The following PDE6A variants were observed in gnomAD, a reference collection of about 807,000 sequenced individuals.
PDE6A encodes rod cGMP-specific 3',5'-cyclic phosphodiesterase subunit alpha.
In PDE6A, 84 loss-of-function variants were observed where a neutral mutation model predicts 106.3. The ratio of observed to expected loss-of-function variants is 0.79; its 90% CI spans 0.66 to 0.95. PDE6A has a LOEUF of 0.95. PDE6A is among the 40% of genes least tolerant of loss of function. PDE6A has a pLI of 0.00. For synonymous variants in PDE6A, 394 were observed against 386.6 expected (o/e 1.02, Z -0.23); for missense variants, 1,052 against 1,084.9 (o/e 0.97, Z 0.43).
At chr5:149,917,637 G>A (rs1413690760) in intron 5 of PDE6A, among the ~76,000 whole-genome samples, 1 of 152,170 alleles carries the variant, frequency 6.6e-6, no homozygotes, top group African/African-American at 2.4e-5. Flanking sequence ...GGGGTAGTGA[G>A]CTCCCTAAAA....
intron 16 of PDE6A, 62 bp from the exon 17 acceptor site, chr5:149,883,598 C>G (rs1761012687): frequency 9.4e-7 from 1 of 1,061,796 alleles, no homozygotes; most frequent in South Asian, 1.3e-5. Context: ...ACCTGAGCTG[C>G]TAACATTGGC....
At chr5:149,867,677 A>G in intron 19 of PDE6A, 48 bp downstream of exon 19, 1 of 1,520,434 alleles carries the variant, frequency 6.6e-7, no homozygotes, top group Non-Finnish European at 9.1e-7. Context: ...CTAGGTCAGG[A>G]TGGAGCACAC....
At chr5:149,935,501 G>A (rs1187379080) in intron 1 of PDE6A, among the ~76,000 whole-genome samples, 1 of 152,166 alleles carries the variant, frequency 6.6e-6, no homozygotes, top group African/African-American at 2.4e-5. Context: ...AAGCACGGGG[G>A]ATATGGGTGA....
chr5:149,880,866 C>G (rs540478685), intron 17 of PDE6A, among the ~76,000 whole-genome samples: 1 of 152,180 alleles, frequency 6.6e-6, no homozygotes, highest in African/African-American at 2.4e-5. Context: ...TGAGACCAAT[C>G]TAGCCAACAT....
chr5:149,936,805 AC>A (rs1442335753), intron 1 of PDE6A, among the ~76,000 whole-genome samples: 2 of 152,168 alleles, frequency 1.3e-5, no homozygotes, highest in Non-Finnish European at 2.9e-5. Flanking sequence ...TTTTGCACCA[AC>A]TTATATTTAT....
At chr5:149,909,553 G>T (rs1753308261) in intron 6 of PDE6A, among the ~76,000 whole-genome samples, 1 of 152,038 alleles carries the variant, frequency 6.6e-6, no homozygotes, top group Non-Finnish European at 1.5e-5. Context: ...TTTGCAATTT[G>T]TCCCTCTGTA....
rs754442060 is a variant in PDE6A at position 149,931,063 on chromosome 5, ATC to A, written c.821_822del (p.Arg274IlefsTer16). ...GTCATGTCTAAGAGACCCACAGAGT[ATC>A]TGTCACAGTTGAGGAAAGCACGGAC... is the stretch of plus-strand genomic sequence containing the variant. ...YTVRAFLNCD[R>X]YSVGLLDMTK... On this transcript the variant is annotated frameshift_variant, in exon 4 of 22. Transcript: ENST00000255266. LOFTEE classifies it high-confidence loss of function. 1 of 1,614,048 alleles carries A rather than the reference ATC, an allele frequency of 6.2e-7. No homozygotes were observed. The highest frequency in any genetic ancestry group is 1.7e-5 in the Admixed American group (1 of 60,028).
At chr5:149,867,639 A>T in intron 19 of PDE6A, 86 bp downstream of exon 19, 1 of 1,177,348 alleles carries the variant, frequency 8.5e-7, no homozygotes. Flanking sequence ...GTAAAGTCAC[A>T]CATCTCTCCA....
At position 149,884,776 on chromosome 5, in the gene PDE6A, C is replaced by T. The variant is rs750439407; in HGVS notation, c.1926+4G>A. On this transcript the variant is annotated splice_donor_region_variant and intron_variant, in intron 15 of 21. Transcript: ENST00000255266. ...GGCCTGTAGACCCTTGGCCCTCATC[C>T]TACCTCGTCTCTGAGCAGTGTTTTG... The T allele has an allele frequency of 1.2e-6, 2 of 1,613,476 alleles. No individual in the cohort carries two copies. Among genetic ancestry groups the T allele is most frequent in the South Asian group, 2.2e-5 (2 of 91,066 alleles).
chr5:149,862,712 C>T (rs17110637), intron 21 of PDE6A, among the ~76,000 whole-genome samples: 2 of 152,110 alleles, frequency 1.3e-5, no homozygotes, highest in African/African-American at 2.4e-5. Flanking sequence ...GAGTGGAGAT[C>T]GTGCCACTGC....
chr5:149,876,259 G>A (rs1236374466), intron 17 of PDE6A, among the ~76,000 whole-genome samples: 4 of 148,732 alleles, frequency 2.7e-5, no homozygotes, highest in Non-Finnish European at 5.9e-5. Context: ...ATATAGGGTG[G>A]ATTTTTTAAA....
chr5:149,914,893 A>T, intron 6 of PDE6A, 50 bp downstream of exon 6: 1 of 1,214,090 alleles, frequency 8.2e-7, no homozygotes. Context: ...GCCAATTGAG[A>T]TCTTTAAGCT....
intron 13 of PDE6A, 32 bp downstream of exon 13, chr5:149,895,151 C>T: frequency 7.5e-7 from 1 of 1,335,170 alleles, no homozygotes; most frequent in Admixed American, 1.7e-5. Context: ...TGATGCAAGC[C>T]CACCCTACCA....
At position 149,932,287 on chromosome 5, in the gene PDE6A, C is replaced by G. The variant is rs112861655; in HGVS notation, c.718-1119G>C. The stretch of plus-strand genomic sequence containing the variant: ...ACAGCAGTTTCACTCGTAGACCGCT[C>G]TCTTTTTAGTCGGCCAACTGCACGG... On this transcript the variant is annotated intron_variant, in intron 3 of 21. Transcript: ENST00000255266. 8.0e-5 allele frequency: 115 copies of G among 1,444,032 alleles called. 2 individuals are homozygous for G. In the African/African-American group the frequency reaches 1.2e-3, roughly 15 times the overall value. 89.5% of individuals were successfully genotyped at this position (1,444,032 alleles called of 1,614,324 possible).
chr5:149,925,336 A>C (rs1284051284), intron 4 of PDE6A, among the ~76,000 whole-genome samples: 1 of 152,368 alleles, frequency 6.6e-6, no homozygotes, highest in Admixed American at 6.5e-5. Flanking sequence ...CTACAAAAAC[A>C]GAATGAGTTG....
chr5:149,904,408 C>T (rs1179797471), intron 7 of PDE6A, among the ~76,000 whole-genome samples: 1 of 152,138 alleles, frequency 6.6e-6, no homozygotes, highest in African/African-American at 2.4e-5. Context: ...GTTTACCCTA[C>T]TGGTAAGGGA....
chr5:149,931,370 T>C (rs2113656831), intron 3 of PDE6A, among the ~76,000 whole-genome samples: 1 of 152,316 alleles, frequency 6.6e-6, no homozygotes, highest in Admixed American at 6.5e-5. Flanking sequence ...TTTTTTGCTT[T>C]GGTTGACAGT....
At chr5:149,877,018 A>G (rs190792583) in intron 17 of PDE6A, among the ~76,000 whole-genome samples, 202 of 152,298 alleles carry the variant, frequency 1.3e-3, no homozygotes, top group African/African-American at 4.6e-3. Flanking sequence ...AAAGAAAAAA[A>G]ATTGTAAAGA....
chr5:149,877,989 C>A (rs1005611281), intron 17 of PDE6A, among the ~76,000 whole-genome samples: 1 of 152,150 alleles, frequency 6.6e-6, no homozygotes, highest in African/African-American at 2.4e-5. Flanking sequence ...GACTGTATTT[C>A]AAATAGTCCC....
Sources: allele counts gnomAD v4.1 joint callset (sites outside exome capture counted in the v4.1 genomes callset), GRCh38; gene constraint gnomAD v4.1.1; transcripts MANE v1.5; gene names NCBI Gene and HGNC (gene_info 2026-07-23, HGNC 2026-07-21).